The following DLG2 variants were observed in gnomAD, a reference collection of about 807,000 sequenced individuals.
The protein encoded by DLG2 is discs large MAGUK scaffold protein 2.
A neutral mutation model predicts 132.5 loss-of-function variants in DLG2; 45 were observed. That is an observed-to-expected ratio of 0.34 (90% confidence interval 0.27 to 0.44). The LOEUF is 0.44. Among genes scored for constraint, DLG2 ranks in the 20% least tolerant of loss-of-function variants. The probability of loss-of-function intolerance (pLI) is 1.00; values close to 1 mark genes in which losing one functional copy is unlikely to be tolerated. For synonymous variants in DLG2, 424 were observed against 419.6 expected (o/e 1.01, Z -0.13); for missense variants, 1,045 against 1,196.9 (o/e 0.87, Z 1.87).
At position 83,594,423 on chromosome 11, in the gene DLG2, A is replaced by T. The variant is rs183308693; in HGVS notation, c.1940+38788T>A. Reference sequence around the variant, plus strand: ...CATTGCCTGTCTTAGCTTTGTTAATACAGTCTTGAGTAATTTTATACAGCA... The same window carrying T: ...CATTGCCTGTCTTAGCTTTGTTAATTCAGTCTTGAGTAATTTTATACAGCA... On this transcript the variant is annotated intron_variant, in intron 19 of 27. Transcript: ENST00000376104. Among the ~76,000 whole-genome samples, 3 of 152,360 alleles carry T rather than the reference A, an allele frequency of 2.0e-5. 1 individual carries two copies. Among genetic ancestry groups the T allele is most frequent in the Admixed American group, 2.0e-4 (3 of 15,310 alleles).
chr11:84,978,575 T>A (rs1701460684), intron 6 of DLG2, among the ~76,000 whole-genome samples: 1 of 152,160 alleles, frequency 6.6e-6, no homozygotes, highest in South Asian at 2.1e-4. Flanking sequence ...AAGGATTCCC[T>A]ATTTAATAAA....
intron 3 of DLG2, among the ~76,000 whole-genome samples, chr11:85,534,782 T>C (rs966097427): frequency 6.6e-6 from 1 of 152,194 alleles, no homozygotes; most frequent in African/African-American, 2.4e-5. Flanking sequence ...CTATTGTGAA[T>C]GGTGCTGCAA....
intron 5 of DLG2, among the ~76,000 whole-genome samples, chr11:85,112,649 G>C (rs2072957284): frequency 6.6e-6 from 1 of 151,988 alleles, no homozygotes; most frequent in Non-Finnish European, 1.5e-5. Flanking sequence ...ATTATTACTA[G>C]TCCCCACAAT....
chr11:83,784,981 C>G (rs2153882541), intron 18 of DLG2, among the ~76,000 whole-genome samples: 1 of 152,240 alleles, frequency 6.6e-6, no homozygotes, highest in East Asian at 1.9e-4. Flanking sequence ...TGAAAAAGTT[C>G]TTACTCTATA....
intron 7 of DLG2, among the ~76,000 whole-genome samples, chr11:84,340,906 T>C (rs1049898760): frequency 1.3e-5 from 2 of 152,134 alleles, no homozygotes; most frequent in East Asian, 1.9e-4. Flanking sequence ...GTTGAGGATA[T>C]AAGCAGTGGG....
chr11:84,442,719 A>T (rs1386629376), intron 7 of DLG2, among the ~76,000 whole-genome samples: 2 of 151,718 alleles, frequency 1.3e-5, no homozygotes, highest in Non-Finnish European at 2.9e-5. Flanking sequence ...AGAAAGAAAG[A>T]AAGAAAGAAA....
chr11:85,158,550 G>GCA (rs1323352900), intron 4 of DLG2, among the ~76,000 whole-genome samples: 1 of 152,190 alleles, frequency 6.6e-6, no homozygotes, highest in African/African-American at 2.4e-5. Context: ...TGTGAGGGCA[G>GCA]CACCTGCATC....
chr11:84,904,054 G>C (rs10898324), intron 6 of DLG2, among the ~76,000 whole-genome samples: 71,990 of 151,852 alleles, frequency 0.47, 17,755 homozygotes, highest in South Asian at 0.62. Context: ...TGAGATAAAA[G>C]TTTTAACCAA....
intron 3 of DLG2, among the ~76,000 whole-genome samples, chr11:85,580,204 C>A (rs2078424257): frequency 6.6e-6 from 1 of 152,134 alleles, no homozygotes; most frequent in Non-Finnish European, 1.5e-5. Flanking sequence ...AACTGTAAGT[C>A]CATTAAACCC....
At chr11:84,545,046 C>T in intron 6 of DLG2, 1 of 452,828 alleles carries the variant, frequency 2.2e-6, no homozygotes, top group Non-Finnish European at 4.4e-6. Context: ...CACCACTGTG[C>T]ATGGCTGAGT....
At chr11:84,163,567 C>T in intron 8 of DLG2, 56 bp from the exon 9 acceptor site, 2 of 1,420,712 alleles carry the variant, frequency 1.4e-6, no homozygotes, top group South Asian at 2.6e-5. Context: ...GAGGAGGAGA[C>T]AGCTGCATTT....
chr11:85,013,893 A>T lies in DLG2; in HGVS notation c.357+97768T>A, dbSNP rs577722062. 2.0e-5 allele frequency among the ~76,000 whole-genome samples: 3 copies of T among 152,290 alleles called. No homozygotes were observed. The South Asian group carries it at 6.2e-4, about 32-fold the overall frequency. On this transcript the variant is annotated intron_variant, in intron 6 of 27. Coordinates refer to ENST00000376104, the MANE Select transcript of DLG2 (RefSeq NM_001142699.3). ...AAGGTGCATGCTATTATGCTATCAAAAGCTTAAAATATTAGAATGAGTGAT... is the reference window on the plus strand; with the variant it reads ...AAGGTGCATGCTATTATGCTATCAATAGCTTAAAATATTAGAATGAGTGAT...
chr11:84,525,458 A>G (rs570329357), intron 7 of DLG2, among the ~76,000 whole-genome samples: 107 of 152,180 alleles, frequency 7.0e-4, no homozygotes, highest in African/African-American at 2.6e-3. Flanking sequence ...TCTATATGTA[A>G]TATGTCTCAA....
At chr11:84,855,166 T>C (rs2082622823) in intron 6 of DLG2, among the ~76,000 whole-genome samples, 1 of 152,070 alleles carries the variant, frequency 6.6e-6, no homozygotes. Flanking sequence ...TGCCCCATGT[T>C]AACTGCTACT....
chr11:85,352,843 A>G (rs2083399507), intron 3 of DLG2, among the ~76,000 whole-genome samples: 1 of 152,210 alleles, frequency 6.6e-6, no homozygotes, highest in Admixed American at 6.6e-5. Flanking sequence ...AATTTATGAT[A>G]GATTAAAGAC....
intron 3 of DLG2, among the ~76,000 whole-genome samples, chr11:85,356,785 TAGATA>T (rs1377087699): frequency 5.0e-5 from 2 of 40,230 alleles, no homozygotes; most frequent in African/African-American, 1.4e-4. Flanking sequence ...AGTAGATAGA[TAGATA>T]GATAGATAGA....
intron 15 of DLG2, among the ~76,000 whole-genome samples, chr11:83,904,311 A>T (rs1448721843): frequency 1.3e-5 from 2 of 152,242 alleles, no homozygotes; most frequent in African/African-American, 4.8e-5. Context: ...ATTGATATGC[A>T]AAATCATGGA....
intron 3 of DLG2, among the ~76,000 whole-genome samples, chr11:85,377,702 T>A (rs914442629): frequency 1.3e-5 from 2 of 151,682 alleles, no homozygotes; most frequent in Admixed American, 1.3e-4. Context: ...TTGGCATTTA[T>A]ATTCTATGAT....
chr11:85,029,677 T>A (rs2060846366), intron 6 of DLG2, among the ~76,000 whole-genome samples: 1 of 152,132 alleles, frequency 6.6e-6, no homozygotes, highest in African/African-American at 2.4e-5. Flanking sequence ...GCCCAAAGAT[T>A]TTTCTGTACA....
Sources: gnomAD v4.1 joint callset for allele counts (sites outside exome capture counted in the v4.1 genomes callset) on GRCh38, gnomAD v4.1.1 for gene constraint, MANE v1.5 for transcripts, NCBI Gene and HGNC (gene_info 2026-07-23, HGNC 2026-07-21) for gene names.